The following ATRX variants were observed in gnomAD, a reference collection of about 807,000 sequenced individuals.
The protein encoded by ATRX is ATRX chromatin remodeler, also known as chromatin remodeler ATRX.
ATRX carries 12 observed loss-of-function variants against 172.6 expected under a neutral mutation model. The observed-to-expected ratio is 0.07, with a 90% CI of 0.04 to 0.11. ATRX has a LOEUF of 0.11. ATRX is among the 10% of genes least tolerant of loss of function. ATRX has a pLI of 1.00. For synonymous variants in ATRX, 674 were observed against 594.7 expected, an observed-to-expected ratio of 1.13 and a Z score of -1.94; for missense variants, 1,368 against 1,767.4, an observed-to-expected ratio of 0.77 and a Z score of 4.05.
At chrX:77,681,274 A>G (rs1232357236) in intron 9 of ATRX, among the ~76,000 whole-genome samples, 1 of 111,825 alleles carries the variant, frequency 8.9e-6, no homozygotes, top group Non-Finnish European at 1.9e-5. Flanking sequence ...TTGATAAAGA[A>G]ATTTTGTCAT....
At chrX:77,722,820 A>T (rs2073842328) in intron 1 of ATRX, among the ~76,000 whole-genome samples, 2 of 111,655 alleles carry the variant, frequency 1.8e-5, no homozygotes, top group Admixed American at 9.6e-5. Flanking sequence ...ATACCATTTG[A>T]CCCAGCCATC....
intron 1 of ATRX, among the ~76,000 whole-genome samples, chrX:77,732,106 C>T (rs1229441849): frequency 8.9e-6 from 1 of 111,784 alleles, no homozygotes; most frequent in Admixed American, 9.5e-5. Flanking sequence ...ACAGACACCA[C>T]CCCCCTCCCC....
intron 1 of ATRX, among the ~76,000 whole-genome samples, chrX:77,767,002 G>A (rs1420108944): frequency 9.8e-5 from 11 of 112,042 alleles, no homozygotes; most frequent in African/African-American, 2.9e-4. Flanking sequence ...CGGATCACTC[G>A]CGGTTAGGAG....
intron 1 of ATRX, among the ~76,000 whole-genome samples, chrX:77,777,191 TAAAA>T (rs782165810): frequency 1.2e-3 from 25 of 21,026 alleles, no homozygotes; most frequent in African/African-American, 3.9e-3. Flanking sequence ...CTGTCTCTAC[TAAAA>T]AAAAAAAAAA....
intron 1 of ATRX, among the ~76,000 whole-genome samples, chrX:77,757,882 G>A (rs1323264666): frequency 9.2e-6 from 1 of 108,458 alleles, no homozygotes; most frequent in Non-Finnish European, 1.9e-5. Context: ...ATATTGGCCA[G>A]GCTGGTCTTG....
chrX:77,690,076 C>A (rs1448702167), intron 6 of ATRX, among the ~76,000 whole-genome samples: 2 of 111,976 alleles, frequency 1.8e-5, no homozygotes, highest in African/African-American at 6.5e-5. Flanking sequence ...TTTGTAGAAA[C>A]TTTAAAAAAA....
intron 1 of ATRX, among the ~76,000 whole-genome samples, chrX:77,752,854 C>T (rs782466131): frequency 2.7e-5 from 3 of 111,694 alleles, no homozygotes; most frequent in Admixed American, 1.9e-4. Flanking sequence ...TGATGTGCTG[C>T]TGGATTCTGT....
At chrX:77,638,095 A>C (rs2068482977) in intron 15 of ATRX, among the ~76,000 whole-genome samples, 1 of 111,885 alleles carries the variant, frequency 8.9e-6, no homozygotes, top group Non-Finnish European at 1.9e-5. Context: ...TGTTCAATAT[A>C]GAAATTTTCA....
chrX:77,617,035 G>GA (rs1326105244), intron 21 of ATRX, among the ~76,000 whole-genome samples: 8 of 109,299 alleles, frequency 7.3e-5, no homozygotes, highest in Middle Eastern at 4.7e-3. Context: ...TCTCTGTACA[G>GA]AAAAAAAAAT....
At chrX:77,629,770 T>A (rs915541135) in intron 19 of ATRX, among the ~76,000 whole-genome samples, 1 of 112,099 alleles carries the variant, frequency 8.9e-6, no homozygotes, top group South Asian at 3.7e-4. Flanking sequence ...GGTGGAGAAC[T>A]GAAAGCTTTC....
At chrX:77,779,846 T>G (rs782631255) in intron 1 of ATRX, among the ~76,000 whole-genome samples, 8 of 111,628 alleles carry the variant, frequency 7.2e-5, no homozygotes, top group Non-Finnish European at 1.3e-4. Context: ...TTAACAAGAG[T>G]GCTGGACTAC....
chrX:77,605,178 G>C (rs1028425441), intron 22 of ATRX, among the ~76,000 whole-genome samples: 6 of 112,275 alleles, frequency 5.3e-5, no homozygotes, highest in Non-Finnish European at 1.1e-4. Flanking sequence ...TGTAATCCCA[G>C]AACTTTGGGA....
intron 1 of ATRX, among the ~76,000 whole-genome samples, chrX:77,732,032 C>A (rs1412919211): frequency 8.9e-6 from 1 of 112,005 alleles, no homozygotes; most frequent in Non-Finnish European, 1.9e-5. Flanking sequence ...TGTTAACACA[C>A]AGCCATCAGC....
At chrX:77,731,628 G>A (rs970215519) in intron 1 of ATRX, among the ~76,000 whole-genome samples, 7 of 111,121 alleles carry the variant, frequency 6.3e-5, no homozygotes, top group African/African-American at 2.3e-4. Context: ...AGCCTGCCCC[G>A]CCCCCATCCT....
intron 1 of ATRX, among the ~76,000 whole-genome samples, chrX:77,744,918 C>G (rs188870561): frequency 6.8e-4 from 74 of 109,586 alleles, no homozygotes; most frequent in African/African-American, 2.4e-3. Context: ...ATGGCTTGAA[C>G]CGAGGAGGCA....
intron 33 of ATRX, 169 bp from the exon 34 acceptor site, chrX:77,521,085 T>C: frequency 2.1e-6 from 1 of 487,742 alleles, no homozygotes; most frequent in Non-Finnish European, 3.4e-6. Context: ...TTCACTGCTG[T>C]ACCTGGGCTG....
intron 1 of ATRX, among the ~76,000 whole-genome samples, chrX:77,761,708 A>G (rs782310347): frequency 9.0e-6 from 1 of 111,496 alleles, no homozygotes; most frequent in East Asian, 2.8e-4. Context: ...TACATGATAC[A>G]GTATTATTAA....
intron 1 of ATRX, among the ~76,000 whole-genome samples, chrX:77,727,522 T>C (rs782119670): frequency 9.0e-6 from 1 of 111,341 alleles, no homozygotes; most frequent in Non-Finnish European, 1.9e-5. Context: ...TCAGTTCATA[T>C]ATTTTGCAGG....
chrX:77,767,544 C>A (rs1015790123), intron 1 of ATRX, among the ~76,000 whole-genome samples: 1 of 109,760 alleles, frequency 9.1e-6, no homozygotes, highest in South Asian at 3.9e-4. Context: ...TATAGGCACC[C>A]GCCATCATGC....
Sources: allele counts gnomAD v4.1 joint callset (sites outside exome capture counted in the v4.1 genomes callset), GRCh38; gene constraint gnomAD v4.1.1; transcripts MANE v1.5; gene names NCBI Gene and HGNC (gene_info 2026-07-23, HGNC 2026-07-21).